RBM6: variants seen among roughly 807,000 people sequenced by gnomAD.
RBM6 encodes the protein RNA-binding protein 6.
A neutral mutation model predicts 140.4 loss-of-function variants in RBM6; 23 were observed. The observed-to-expected ratio is 0.16, with a 90% CI of 0.12 to 0.23. RBM6 has a LOEUF of 0.23. RBM6 is among the 10% of genes least tolerant of loss of function. RBM6 has a pLI of 1.00. For missense variants in RBM6, 1,139 were observed against 1,386.7 expected, an observed-to-expected ratio of 0.82 and a Z score of 2.84; for synonymous variants, 439 against 475.6, an observed-to-expected ratio of 0.92 and a Z score of 1.00.
In RBM6 at chr3:49,995,641, T is replaced by A. The variant is rs551517394; in HGVS notation, c.1484-3799T>A. On this transcript the variant is annotated intron_variant, in intron 5 of 20. Transcript: ENST00000266022. ...AGTTAACTGTGTTTTGTAATAGTCA[T>A]ATAAATAAGCACAAAGACCCTCCAG... Among the ~76,000 whole-genome samples, 4 of 152,218 alleles carry A rather than the reference T, an allele frequency of 2.6e-5. No homozygotes were observed. In the South Asian group the frequency reaches 8.3e-4, roughly 32 times the overall value.
rs1419489792 is a variant in RBM6 at position 49,972,289 on chromosome 3, G to A, written c.1413+141G>A. 7 of 661,086 alleles carry A rather than the reference G, an allele frequency of 1.1e-5. No individual in the cohort carries two copies. In the East Asian group the frequency reaches 1.9e-4, roughly 18 times the overall value. The allele number at this position is 661,086 out of a possible 1,614,324, so 41.0% of individuals were successfully genotyped here. A position where few individuals can be genotyped will look rare whatever the true frequency, so the allele number is the denominator to read the frequency against. On this transcript the variant is annotated intron_variant, in intron 4 of 20. Coordinates refer to ENST00000266022, the MANE Select transcript of RBM6 (RefSeq NM_005777.3). The stretch of plus-strand genomic sequence containing the variant: ...TGTATTTTTTTCCCATCTTCCCTCA[G>A]TGTTAATATTTTGCACAACTGTGGT...
chr3:49,998,320 A>G (rs151004079), intron 5 of RBM6, among the ~76,000 whole-genome samples: 2 of 152,336 alleles, frequency 1.3e-5, no homozygotes, highest in East Asian at 1.9e-4. Context: ...TTTGTGGTCA[A>G]AATTATCATA....
intron 6 of RBM6, among the ~76,000 whole-genome samples, chr3:50,025,524 G>A (rs767799093): frequency 7.0e-6 from 1 of 142,222 alleles, no homozygotes; most frequent in Non-Finnish European, 1.5e-5. Flanking sequence ...GTGCTTGTTG[G>A]ATTTTCTATG....
intron 15 of RBM6, among the ~76,000 whole-genome samples, chr3:50,062,395 T>A (rs924517874): frequency 6.6e-6 from 1 of 151,676 alleles, no homozygotes. Flanking sequence ...TCCCAGCTAC[T>A]CAGGAGGCTG....
In RBM6 at chr3:49,975,532, A is replaced by T. The variant is rs143178315; in HGVS notation, c.1483+140A>T. 1.1e-3 allele frequency: 788 copies of T among 692,778 alleles called. 4 individuals are homozygous for T. In the African/African-American group the frequency reaches 0.012, roughly 11 times the overall value. The allele number at this position is 692,778 out of a possible 1,614,324, so 42.9% of individuals were successfully genotyped here. A position where few individuals can be genotyped will look rare whatever the true frequency, so the allele number is the denominator to read the frequency against. ...CTCCCGTTGGTGCCTCCAAATAACA[A>T]CCAGCTTTAGTTTTAGCTGTGGTTC... On this transcript the variant is annotated intron_variant, in intron 5 of 20. Transcript: ENST00000266022.
At chr3:49,992,038 A>G (rs780679558) in intron 5 of RBM6, among the ~76,000 whole-genome samples, 8 of 151,780 alleles carry the variant, frequency 5.3e-5, no homozygotes, top group Admixed American at 2.6e-4. Context: ...TGCAGCTTCA[A>G]CCTCCCAGGC....
At chr3:49,984,663 ATTG>A (rs2085481914) in intron 5 of RBM6, among the ~76,000 whole-genome samples, 1 of 150,068 alleles carries the variant, frequency 6.7e-6, no homozygotes, top group African/African-American at 2.5e-5. Context: ...ATCGCATCGC[ATTG>A]CATCACATCA....
At chr3:49,943,684 C>T (rs1258785282) in intron 1 of RBM6, among the ~76,000 whole-genome samples, 1 of 152,036 alleles carries the variant, frequency 6.6e-6, no homozygotes, top group Non-Finnish European at 1.5e-5. Context: ...AAACTCCTGG[C>T]CTCAAGCCAT....
At chr3:50,071,642 AAAAAG>A (rs1429056252) in intron 19 of RBM6, among the ~76,000 whole-genome samples, 1 of 152,134 alleles carries the variant, frequency 6.6e-6, no homozygotes, top group Non-Finnish European at 1.5e-5. Flanking sequence ...CTCTATTTAA[AAAAAG>A]AAAAGAAAAG....
At chr3:49,972,553 C>T (rs1462840588) in intron 4 of RBM6, among the ~76,000 whole-genome samples, 1 of 152,172 alleles carries the variant, frequency 6.6e-6, no homozygotes, top group African/African-American at 2.4e-5. Context: ...AAAGGATTGG[C>T]TGACTAAATT....
At chr3:50,054,303 T>C in intron 7 of RBM6, 32 bp from the exon 8 acceptor site, 1 of 1,560,960 alleles carries the variant, frequency 6.4e-7, no homozygotes, top group Non-Finnish European at 8.8e-7. Flanking sequence ...TAAAAATGTT[T>C]TCAGTCAAAT....
chr3:50,019,046 T>A (rs189819148), intron 6 of RBM6, among the ~76,000 whole-genome samples: 3 of 152,044 alleles, frequency 2.0e-5, no homozygotes, highest in South Asian at 2.1e-4. Flanking sequence ...TATTTATTTT[T>A]TTTTTTTGAG....
intron 6 of RBM6, among the ~76,000 whole-genome samples, chr3:50,025,374 G>A (rs2087740181): frequency 6.6e-6 from 1 of 151,372 alleles, no homozygotes; most frequent in South Asian, 2.1e-4. Context: ...AGTGAGCTGA[G>A]ATCACACCAC....
At chr3:50,005,156 A>C (rs557406452) in intron 6 of RBM6, among the ~76,000 whole-genome samples, 56 of 152,166 alleles carry the variant, frequency 3.7e-4, no homozygotes, top group Non-Finnish European at 6.9e-4. Flanking sequence ...GAAGGTATAT[A>C]TAGGAAACCA....
rs1575728065 is a variant in RBM6 at position 50,024,746 on chromosome 3, G to A, written c.1558-23499G>A. Among the ~76,000 whole-genome samples the A allele has an allele frequency of 2.0e-5, 3 of 152,126 alleles. No individual in the cohort carries two copies. In the South Asian group the frequency reaches 6.2e-4, roughly 31 times the overall value. ...AAGCGTGCAGATTACGAGGTCAGGAGATCAAGACCATCCTGGCTAACACGG... is the reference window on the plus strand; with the variant it reads ...AAGCGTGCAGATTACGAGGTCAGGAAATCAAGACCATCCTGGCTAACACGG... On this transcript the variant is annotated intron_variant, in intron 6 of 20. Coordinates refer to ENST00000266022, the MANE Select transcript of RBM6 (RefSeq NM_005777.3).
At chr3:50,057,627 A>G in intron 8 of RBM6, 101 bp from the exon 9 acceptor site, 1 of 817,592 alleles carries the variant, frequency 1.2e-6, no homozygotes, top group Non-Finnish European at 1.8e-6. Flanking sequence ...CAGTATGAGT[A>G]TTTGCTGGCA....
rs1802395 is a variant in RBM6, at chr3:50,075,254, G to A, written c.3170G>A (p.Cys1057Tyr). The change falls in exon 20 of 21, where the codon TGT (cysteine) becomes TAT (tyrosine). Residue 1057 changes from cysteine (C) to tyrosine (Y), a missense_variant. Coordinates refer to ENST00000266022, the MANE Select transcript of RBM6 (RefSeq NM_005777.3). ...EDIDTSSKGG[C>Y]VQQATGWRKG... ...ATCGACACTAGCAGCAAAGGAGGCT[G>A]TGTCCAACAGGCTACTGGCTGGAGG... 1.9e-6 allele frequency: 3 copies of A among 1,614,182 alleles called. No individual in the cohort carries two copies. The highest frequency in any genetic ancestry group is 2.5e-6 in the Non-Finnish European group (3 of 1,180,012).
At chr3:49,955,826 G>GTC (rs1026911292) in intron 1 of RBM6, among the ~76,000 whole-genome samples, 32 of 148,584 alleles carry the variant, frequency 2.2e-4, no homozygotes, top group East Asian at 5.9e-4. Context: ...GCAAAACTCT[G>GTC]TCTCTCTCTC....
At chr3:49,975,532 A>C (rs143178315) in intron 5 of RBM6, 140 bp downstream of exon 5, 2 of 692,664 alleles carry the variant, frequency 2.9e-6, no homozygotes, top group Non-Finnish European at 5.1e-6. Flanking sequence ...CCAAATAACA[A>C]CCAGCTTTAG....
Sources: allele counts gnomAD v4.1 joint callset (sites outside exome capture counted in the v4.1 genomes callset), GRCh38; gene constraint gnomAD v4.1.1; transcripts MANE v1.5; gene names NCBI Gene and HGNC (gene_info 2026-07-23, HGNC 2026-07-21).